FRYL: variants seen among roughly 807,000 people sequenced by gnomAD.
FRYL encodes the protein FRY like transcription coactivator.
Under a neutral mutation model 351.2 loss-of-function variants are expected in FRYL, and 150 were observed. The observed-to-expected ratio is 0.43, with a 90% CI of 0.37 to 0.49. The LOEUF is 0.49. Ranked by LOEUF, FRYL falls within the 20% of genes least tolerant of loss-of-function variation. The pLI, the probability that FRYL is intolerant of heterozygous loss-of-function variation, is 0.00. For synonymous variants in FRYL, 1,153 were observed against 1,257.1 expected (o/e 0.92, Z 1.75); for missense variants, 3,036 against 3,619.3 (o/e 0.84, Z 4.13).
At chr4:48,557,791 G>T in intron 33 of FRYL, 79 bp from the exon 34 acceptor site, 1 of 1,520,488 alleles carries the variant, frequency 6.6e-7, no homozygotes, top group Admixed American at 1.9e-5. Context: ...ACAGATTTCA[G>T]AAGCCAGATT....
At chr4:48,703,937 G>T (rs1767028624) in intron 2 of FRYL, among the ~76,000 whole-genome samples, 1 of 152,070 alleles carries the variant, frequency 6.6e-6, no homozygotes, top group African/African-American at 2.4e-5. Flanking sequence ...TGGGAAAATG[G>T]CAATACCATT....
chr4:48,644,001 T>C (rs1305303291), intron 3 of FRYL, among the ~76,000 whole-genome samples: 2 of 152,170 alleles, frequency 1.3e-5, no homozygotes, highest in Admixed American at 6.5e-5. Flanking sequence ...TGGAGTGCAA[T>C]AGCACGATCT....
intron 59 of FRYL, among the ~76,000 whole-genome samples, chr4:48,507,535 C>CAGTTGTT (rs1553913449): frequency 4.6e-5 from 7 of 151,790 alleles, no homozygotes; most frequent in African/African-American, 1.7e-4. Context: ...CTCAAACAAA[C>CAGTTGTT]AGTTAGTTAG....
chr4:48,744,421 A>T (rs1772443433), intron 1 of FRYL, among the ~76,000 whole-genome samples: 1 of 152,236 alleles, frequency 6.6e-6, no homozygotes, highest in South Asian at 2.1e-4. Context: ...GACAAGGAAA[A>T]AAATGTTAAC....
At chr4:48,574,845 T>TTCTAAC (rs1739243649) in intron 25 of FRYL, among the ~76,000 whole-genome samples, 5 of 152,184 alleles carry the variant, frequency 3.3e-5, no homozygotes, top group African/African-American at 1.2e-4. Context: ...ATTAAATATT[T>TTCTAAC]ATATGGCATT....
rs1738765763 is a variant in FRYL, at chr4:48,573,224, G to A, written c.2866C>T (p.His956Tyr). 1.2e-6 allele frequency: 2 copies of A among 1,610,824 alleles called. No homozygotes were observed. The highest frequency in any genetic ancestry group is 1.7e-6 in the Non-Finnish European group (2 of 1,177,134). Residue 956 changes from histidine (H) to tyrosine (Y), a missense_variant, in exon 26 of 64, where the codon CAT becomes TAT. Physicochemically the swap from His to Tyr is moderately conservative, Grantham distance 83. Around this residue, in one of 7 missense-constraint regions of FRYL, gnomAD observed 492 missense variants for 551.5 expected, o/e 0.89. Coordinates refer to ENST00000358350, the MANE Select transcript of FRYL (RefSeq NM_015030.2). ...GAFRELIEEL[H>Y]PIIKEALERR... ...TCGAGTGCTTCTTTAATTATGGGAT[G>A]TAATTCCTCTATTAGTTCCCTGGAA... is the stretch of plus-strand genomic sequence containing the variant.
At chr4:48,528,972 T>C (rs1229680640) in intron 50 of FRYL, among the ~76,000 whole-genome samples, 1 of 152,216 alleles carries the variant, frequency 6.6e-6, no homozygotes, top group Non-Finnish European at 1.5e-5. Flanking sequence ...CTGCATGTCA[T>C]ACGAGTCCCT....
intron 39 of FRYL, 21 bp from the exon 40 acceptor site, chr4:48,548,814 A>T: frequency 7.0e-7 from 1 of 1,419,888 alleles, no homozygotes; most frequent in Non-Finnish European, 9.8e-7. Context: ...TAAGAGTTTC[A>T]TTAACGTTTT....
intron 3 of FRYL, chr4:48,653,692 T>C (rs1758170082): frequency 7.8e-7 from 1 of 1,278,606 alleles, no homozygotes; most frequent in African/African-American, 1.5e-5. Flanking sequence ...ATTTTTTTTT[T>C]CATGTAGGAA....
intron 1 of FRYL, among the ~76,000 whole-genome samples, chr4:48,772,571 TAA>T (rs1244607759): frequency 3.3e-5 from 5 of 151,638 alleles, no homozygotes; most frequent in African/African-American, 1.2e-4. Flanking sequence ...TAACCCATCT[TAA>T]GTTTTAAAAT....
chr4:48,680,968 CAGA>C, intron 3 of FRYL: 3 of 1,268,308 alleles, frequency 2.4e-6, no homozygotes, highest in Non-Finnish European at 3.1e-6. Context: ...ATTACTATGA[CAGA>C]AATTGGTTCC....
intron 1 of FRYL, among the ~76,000 whole-genome samples, chr4:48,779,404 G>C (rs1408930903): frequency 6.6e-6 from 1 of 152,176 alleles, no homozygotes; most frequent in Non-Finnish European, 1.5e-5. Context: ...CAACGGCCCG[G>C]GGCTGCGCGG....
At chr4:48,716,260 C>A (rs933339966) in intron 1 of FRYL, among the ~76,000 whole-genome samples, 86 of 151,326 alleles carry the variant, frequency 5.7e-4, no homozygotes, top group African/African-American at 8.5e-4. Context: ...GCAACAAAAG[C>A]CAAAATTGAC....
In FRYL at chr4:48,565,529, A is replaced by G; in HGVS notation, c.3330+2T>C. 6.5e-7 allele frequency: 1 copy of G among 1,541,642 alleles called. No homozygotes were observed. Among genetic ancestry groups the G allele is most frequent in the Non-Finnish European group, 8.7e-7 (1 of 1,148,810 alleles). ...AAAGAAATCAGGTTTCTAAGTAAAT[A>G]CCTTTAACGCACAGTATTGATGTCT... is the stretch of plus-strand genomic sequence containing the variant. On this transcript the variant is annotated splice_donor_variant, in intron 29 of 63. Transcript: ENST00000358350. LOFTEE classifies it high-confidence loss of function.
Position 48,735,145 on chromosome 4 carries a change from C to G in FRYL, c.-383-24447G>C, listed in dbSNP as rs1243710636. Among the ~76,000 whole-genome samples, 6 of 93,252 alleles carry G rather than the reference C, an allele frequency of 6.4e-5. No individual in the cohort carries two copies. The East Asian group carries it at 1.8e-3, about 28-fold the overall frequency. 61.2% of individuals were successfully genotyped at this position (93,252 alleles called of 152,430 possible). A position where few individuals can be genotyped will look rare whatever the true frequency, so the allele number is the denominator to read the frequency against. On this transcript the variant is annotated intron_variant, in intron 1 of 63. Transcript: ENST00000358350. ...ACAAGAAAAAAACAAACAACCCCAT[C>G]AAAAAGTGGGCGAAGGACATGAACA... is the stretch of plus-strand genomic sequence containing the variant.
chr4:48,751,955 G>A (rs1424803131), intron 1 of FRYL, among the ~76,000 whole-genome samples: 1 of 150,976 alleles, frequency 6.6e-6, no homozygotes, highest in Non-Finnish European at 1.5e-5. Flanking sequence ...ATTCTCCTTT[G>A]CCAGTGATTG....
intron 50 of FRYL, among the ~76,000 whole-genome samples, chr4:48,529,199 G>A (rs1726967817): frequency 6.6e-6 from 1 of 152,056 alleles, no homozygotes; most frequent in African/African-American, 2.4e-5. Context: ...GACTTTTAAG[G>A]AGGCCTTCTG....
intron 7 of FRYL, 30 bp downstream of exon 7, chr4:48,619,244 T>C: frequency 7.3e-7 from 1 of 1,370,998 alleles, no homozygotes; most frequent in South Asian, 1.2e-5. Flanking sequence ...GAATAAGGAA[T>C]ACAGACTTTG....
intron 1 of FRYL, among the ~76,000 whole-genome samples, chr4:48,759,979 T>C (rs73246036): frequency 5.3e-5 from 8 of 152,356 alleles, no homozygotes; most frequent in Non-Finnish European, 1.0e-4. Flanking sequence ...AAGCACTATG[T>C]TATGTGCATC....
Sources: gnomAD v4.1 joint callset for allele counts (sites outside exome capture counted in the v4.1 genomes callset) on GRCh38, gnomAD v4.1.1 for gene constraint, gnomAD v4.1.1 regional missense constraint, MANE v1.5 for transcripts, NCBI Gene and HGNC (gene_info 2026-07-23, HGNC 2026-07-21) for gene names.